The following UHRF2 variants were observed in gnomAD, a reference collection of about 807,000 sequenced individuals.
UHRF2 encodes ubiquitin like with PHD and ring finger domains 2.
In UHRF2, 23 loss-of-function variants were observed where a neutral mutation model predicts 96.8. That is an observed-to-expected ratio of 0.24 (90% CI 0.17 to 0.34). UHRF2 has a LOEUF of 0.34. Among genes scored for constraint, UHRF2 ranks in the 10% least tolerant of loss-of-function variants. The probability of loss-of-function intolerance (pLI) is 1.00; values close to 1 mark genes in which losing one functional copy is unlikely to be tolerated. For synonymous variants in UHRF2, 385 were observed against 332.6 expected, an observed-to-expected ratio of 1.16 and a Z score of -1.72; for missense variants, 685 against 981.5, an observed-to-expected ratio of 0.70 and a Z score of 4.04.
At chr9:6,495,838 G>A (rs1052422781) in intron 10 of UHRF2, 1 of 152,184 alleles carries the variant, frequency 6.6e-6, no homozygotes, top group African/African-American at 2.4e-5. Flanking sequence ...GAGCATTAAA[G>A]CATTCCATTC....
chr9:6,505,942 C>A (rs1299764264), intron 15 of UHRF2, 91 bp from the exon 16 acceptor site: 2 of 1,326,142 alleles, frequency 1.5e-6, no homozygotes. Flanking sequence ...CTCTCATTAC[C>A]AGTTTCTGGT....
chr9:6,483,324 CAAAAAAAAA>C (rs34497002), intron 8 of UHRF2, among the ~76,000 whole-genome samples: 1 of 59,536 alleles, frequency 1.7e-5, no homozygotes, highest in Non-Finnish European at 3.5e-5. Context: ...GACTCTGTCT[CAAAAAAAAA>C]AAAAAAAAAA....
chr9:6,445,981 C>CCTTTTTTTTTTTTTTTTTTT (rs1554624504), intron 3 of UHRF2, among the ~76,000 whole-genome samples: 2 of 78,898 alleles, frequency 2.5e-5, no homozygotes, highest in African/African-American at 1.1e-4. Flanking sequence ...CCCCGCCACC[C>CCTTTTTTTTTTTTTTTTTTT]TTTTTTTTTT....
intron 3 of UHRF2, among the ~76,000 whole-genome samples, chr9:6,455,300 C>T (rs1161796136): frequency 6.6e-6 from 1 of 152,140 alleles, no homozygotes; most frequent in African/African-American, 2.4e-5. Flanking sequence ...CTCTCCACCC[C>T]ACAACAGGCC....
Position 6,506,023 on chromosome 9 carries a change from T to G in UHRF2, c.2263-10T>G. ...TCAGATTAAATTGGATGTTTTTGTT[T>G]TTACCATAGGATTGCCTACAGCGCT... On this transcript the variant is annotated splice_polypyrimidine_tract_variant and intron_variant, in intron 15 of 15. Coordinates refer to ENST00000276893, the MANE Select transcript of UHRF2 (RefSeq NM_152896.3). The G allele has an allele frequency of 6.2e-7, 1 of 1,613,774 alleles. No individual in the cohort carries two copies. The highest frequency in any genetic ancestry group is 8.5e-7 in the Non-Finnish European group (1 of 1,179,896).
intron 3 of UHRF2, among the ~76,000 whole-genome samples, chr9:6,436,553 A>T (rs999587231): frequency 2.0e-5 from 3 of 152,246 alleles, no homozygotes; most frequent in Admixed American, 6.5e-5. Flanking sequence ...TCTGGCCAAT[A>T]AGAGTTATTG....
At chr9:6,430,048 C>G (rs972296168) in intron 2 of UHRF2, among the ~76,000 whole-genome samples, 1 of 152,142 alleles carries the variant, frequency 6.6e-6, no homozygotes, top group African/African-American at 2.4e-5. Context: ...GAGTTTTACT[C>G]TTTTTGCCCT....
chr9:6,470,078 A>G (rs1358248780), intron 4 of UHRF2, among the ~76,000 whole-genome samples: 1 of 152,204 alleles, frequency 6.6e-6, no homozygotes, highest in African/African-American at 2.4e-5. Context: ...TACTAATTTA[A>G]AAACATTCCC....
intron 3 of UHRF2, among the ~76,000 whole-genome samples, chr9:6,439,727 A>G (rs1307696916): frequency 6.6e-6 from 1 of 152,218 alleles, no homozygotes; most frequent in African/African-American, 2.4e-5. Context: ...TTAGATTTCA[A>G]GGAATTCTTA....
chr9:6,429,294 C>T (rs768645217), intron 2 of UHRF2, among the ~76,000 whole-genome samples: 13 of 152,086 alleles, frequency 8.5e-5, no homozygotes, highest in Non-Finnish European at 1.6e-4. Flanking sequence ...CATGTCTGGA[C>T]CTCATTAGAA....
At chr9:6,501,786 G>A (rs1816305655) in intron 14 of UHRF2, among the ~76,000 whole-genome samples, 1 of 152,308 alleles carries the variant, frequency 6.6e-6, no homozygotes, top group Admixed American at 6.5e-5. Context: ...TTCACTTATA[G>A]GAAATTAAGA....
At chr9:6,499,597 A>C (rs1825157396) in intron 12 of UHRF2, 3 of 266,064 alleles carry the variant, frequency 1.1e-5, no homozygotes, top group Non-Finnish European at 2.2e-5. Flanking sequence ...CTGAAACTTA[A>C]GATCAGTGTA....
intron 1 of UHRF2, among the ~76,000 whole-genome samples, chr9:6,416,992 A>G (rs528749178): frequency 6.6e-5 from 10 of 152,188 alleles, no homozygotes; most frequent in Non-Finnish European, 1.5e-4. Context: ...CACACAGAAT[A>G]TAAAAGTACT....
In UHRF2 at chr9:6,472,861, G is replaced by A. The variant is rs77156423; in HGVS notation, c.864-2530G>A. Among the ~76,000 whole-genome samples the A allele has an allele frequency of 9.1e-3, 1,387 of 152,052 alleles. 20 individuals carry two copies. The highest frequency in any genetic ancestry group is 0.032 in the African/African-American group (1,307 of 41,476). ...TTAAGAACTGGGATTTTTCTGGTTG[G>A]GGGAAAAAGGAAAAAAGACACATAA... On this transcript the variant is annotated intron_variant, in intron 4 of 15. Transcript: ENST00000276893.
At chr9:6,439,937 G>A (rs898292546) in intron 3 of UHRF2, among the ~76,000 whole-genome samples, 4 of 152,080 alleles carry the variant, frequency 2.6e-5, no homozygotes. Context: ...TCATTAAGTG[G>A]TTAATGTAAA....
In UHRF2 at chr9:6,452,355, T is replaced by C. The variant is rs141100200; in HGVS notation, c.645-8218T>C. 5.3e-4 allele frequency among the ~76,000 whole-genome samples: 80 copies of C among 152,322 alleles called. 2 individuals are homozygous for C. Among genetic ancestry groups the C allele is most frequent in the Admixed American group, 2.2e-3 (34 of 15,304 alleles). The stretch of plus-strand genomic sequence containing the variant: ...GCAAATGTATAGACAGTGTTTCTGG[T>C]AATTAACAGATGCCCCTCTAAGAGG... On this transcript the variant is annotated intron_variant, in intron 3 of 15. Transcript: ENST00000276893.
chr9:6,435,559 C>A (rs10758791), intron 3 of UHRF2, among the ~76,000 whole-genome samples: 2 of 151,986 alleles, frequency 1.3e-5, no homozygotes, highest in African/African-American at 4.8e-5. Flanking sequence ...AAATCTCATA[C>A]TGATTATCAG....
intron 3 of UHRF2, among the ~76,000 whole-genome samples, chr9:6,459,760 G>A (rs1822412010): frequency 6.6e-6 from 1 of 152,218 alleles, no homozygotes; most frequent in African/African-American, 2.4e-5. Context: ...GTTGCTTGAG[G>A]CCAGGAGTTC....
chr9:6,433,864 A>T (rs768363626), intron 2 of UHRF2, 50 bp from the exon 3 acceptor site: 2 of 1,565,708 alleles, frequency 1.3e-6, no homozygotes, highest in East Asian at 2.3e-5. Context: ...AAGGTTTTTG[A>T]AGCAGTAGAC....
Sources: gnomAD v4.1 joint callset for allele counts (sites outside exome capture counted in the v4.1 genomes callset) on GRCh38, gnomAD v4.1.1 for gene constraint, MANE v1.5 for transcripts, NCBI Gene and HGNC (gene_info 2026-07-23, HGNC 2026-07-21) for gene names.